The following SPMIP3 variants were observed in gnomAD, a reference collection of about 807,000 sequenced individuals.
The protein encoded by SPMIP3 is protein SPMIP3.
chr1:244,364,034 C>T, the SPMIP3 span, among the ~76,000 whole-genome samples: 5 of 151,754 alleles, frequency 3.3e-5, 1 homozygote, highest in South Asian at 1.0e-3. Flanking sequence ...CTGATCAGAA[C>T]AAAACCAAAA....
At chr1:244,360,757 G>A in the SPMIP3 span, among the ~76,000 whole-genome samples, 110,325 of 151,622 alleles carry the variant, frequency 0.73, 40,395 homozygotes, top group South Asian at 0.8. Context: ...GATGGCAGGT[G>A]CCTGTAGTCC....
the SPMIP3 span, among the ~76,000 whole-genome samples, chr1:244,372,838 T>C: frequency 2.0e-5 from 3 of 152,178 alleles, no homozygotes; most frequent in Non-Finnish European, 4.4e-5. Context: ...AAAGTCACCT[T>C]CCCAATGATG....
chr1:244,367,091 C>T, the SPMIP3 span, among the ~76,000 whole-genome samples: 3 of 151,852 alleles, frequency 2.0e-5, no homozygotes, highest in South Asian at 2.1e-4. Context: ...GAGAAGGGTG[C>T]GGTCTAGGGA....
chr1:244,374,113 A>AAAAT, the SPMIP3 span, among the ~76,000 whole-genome samples: 2 of 152,142 alleles, frequency 1.3e-5, no homozygotes, highest in Non-Finnish European at 2.9e-5. Context: ...ACTCCGTCTC[A>AAAAT]AAATAAATAA....
chr1:244,364,319 A>C, the SPMIP3 span, among the ~76,000 whole-genome samples: 1 of 151,988 alleles, frequency 6.6e-6, no homozygotes, highest in African/African-American at 2.4e-5. Flanking sequence ...GTTAGCCAGG[A>C]TGGTCTCGAT....
the SPMIP3 span, chr1:244,375,057 G>A: frequency 1.0e-3 from 170 of 169,120 alleles, no homozygotes; most frequent in African/African-American, 3.9e-3. Context: ...TTTTCCTAAC[G>A]TTTTGAACCT....
the SPMIP3 span, among the ~76,000 whole-genome samples, chr1:244,356,777 G>A: frequency 6.6e-6 from 1 of 151,994 alleles, no homozygotes; most frequent in Admixed American, 6.6e-5. Context: ...GGGGTATTGG[G>A]TTTCATAAAT....
chr1:244,385,991 C>T, the SPMIP3 span, among the ~76,000 whole-genome samples: 1 of 140,416 alleles, frequency 7.1e-6, no homozygotes, highest in African/African-American at 2.7e-5. Context: ...TAGTGAAACC[C>T]CATCTCTACA....
chr1:244,362,186 G>C, the SPMIP3 span, among the ~76,000 whole-genome samples: 3 of 152,178 alleles, frequency 2.0e-5, no homozygotes, highest in African/African-American at 7.2e-5. Flanking sequence ...CAGGCAATGA[G>C]TTAACCGTTG....
At chr1:244,355,024 C>T in the SPMIP3 span, among the ~76,000 whole-genome samples, 1 of 152,194 alleles carries the variant, frequency 6.6e-6, no homozygotes, top group Admixed American at 6.5e-5. Flanking sequence ...TTGCTGAACG[C>T]ATTTCCTGTA....
At chr1:244,374,253 A>G in the SPMIP3 span, among the ~76,000 whole-genome samples, 2 of 151,886 alleles carry the variant, frequency 1.3e-5, 1 homozygote, top group Non-Finnish European at 2.9e-5. Flanking sequence ...ACCTCTTCTT[A>G]CGTTCACCCC....
the SPMIP3 span, among the ~76,000 whole-genome samples, chr1:244,373,332 T>TTTATATATATATA: frequency 1.1e-3 from 92 of 85,194 alleles, 3 homozygotes; most frequent in African/African-American, 3.6e-3. Context: ...CAAAAAAAAA[T>TTTATATATATATA]TATATATATA....
the SPMIP3 span, among the ~76,000 whole-genome samples, chr1:244,385,279 C>G: frequency 3.3e-5 from 5 of 152,172 alleles, no homozygotes; most frequent in Non-Finnish European, 5.9e-5. Flanking sequence ...TCTGAGGTGT[C>G]TGATTAAATA....
the SPMIP3 span, among the ~76,000 whole-genome samples, chr1:244,379,950 A>G: frequency 1.4e-4 from 17 of 124,720 alleles, no homozygotes; most frequent in Admixed American, 1.5e-3. Context: ...CCTGGGCAAC[A>G]GGAGCAAAAC....
At chr1:244,366,000 T>C in the SPMIP3 span, among the ~76,000 whole-genome samples, 1 of 152,088 alleles carries the variant, frequency 6.6e-6, no homozygotes. Context: ...AAATTTGGTA[T>C]CAGATGACAG....
the SPMIP3 span, among the ~76,000 whole-genome samples, chr1:244,366,421 T>A: frequency 2.0e-5 from 3 of 152,208 alleles, no homozygotes; most frequent in African/African-American, 7.2e-5. Flanking sequence ...CCACTTGGTA[T>A]CACAAAGTGT....
At chr1:244,385,518 C>G in the SPMIP3 span, among the ~76,000 whole-genome samples, 2 of 152,048 alleles carry the variant, frequency 1.3e-5, no homozygotes, top group African/African-American at 4.8e-5. Context: ...CACCCTGGTG[C>G]CAAATAATTC....
chr1:244,382,974 A>G, the SPMIP3 span, among the ~76,000 whole-genome samples: 1 of 152,106 alleles, frequency 6.6e-6, no homozygotes, highest in African/African-American at 2.4e-5. Context: ...AAACAATTTA[A>G]TAGGTTAGAC....
the SPMIP3 span, among the ~76,000 whole-genome samples, chr1:244,371,247 A>T: frequency 6.6e-6 from 1 of 152,192 alleles, no homozygotes; most frequent in Non-Finnish European, 1.5e-5. Context: ...AGTGAGAAGG[A>T]AAGGGCTTTC....
Sources: gnomAD v4.1 joint callset for allele counts (sites outside exome capture counted in the v4.1 genomes callset) on GRCh38, gnomAD v4.1.1 for gene constraint, MANE v1.5 for transcripts, NCBI Gene and HGNC (gene_info 2026-07-23, HGNC 2026-07-21) for gene names.